The following WDR41 variants were observed in gnomAD, a reference collection of about 807,000 sequenced individuals.
WDR41 encodes the protein WD repeat-containing protein 41.
In WDR41, 63 loss-of-function variants were observed where a neutral mutation model predicts 69.3. The observed-to-expected ratio is 0.91, with a 90% CI of 0.74 to 1.12. WDR41 has a LOEUF of 1.12. WDR41 is among the 50% of genes most tolerant of loss of function. The pLI, the probability that WDR41 is intolerant of heterozygous loss-of-function variation, is 0.00. For missense variants in WDR41, 543 were observed against 534.5 expected (o/e 1.02, Z -0.16); for synonymous variants, 185 against 192.1 (o/e 0.96, Z 0.31).
intron 1 of WDR41, among the ~76,000 whole-genome samples, chr5:77,602,020 G>C (rs1332695948): frequency 6.6e-6 from 1 of 152,050 alleles, no homozygotes; most frequent in Admixed American, 6.6e-5. Flanking sequence ...TTGTTAACTA[G>C]AGTCACCCTA....
chr5:77,454,002 C>G, intron 5 of WDR41, 74 bp from the exon 6 acceptor site: 1 of 1,180,154 alleles, frequency 8.5e-7, no homozygotes, highest in Non-Finnish European at 1.3e-6. Context: ...AAAAATATAT[C>G]CACAAGTTCT....
In WDR41 at chr5:77,433,214, C is replaced by G; in HGVS notation, c.1301G>C (p.Gly434Ala). 1 of 1,614,032 alleles carries G rather than the reference C, an allele frequency of 6.2e-7. No individual in the cohort carries two copies. Among genetic ancestry groups the G allele is most frequent in the Non-Finnish European group, 8.5e-7 (1 of 1,179,952 alleles). The change falls in exon 13 of 13, where the codon GGA becomes GCA. Residue 434 changes from glycine to alanine, a missense_variant. By Grantham distance (60) the Gly-to-Ala change is moderately conservative. Transcript: ENST00000296679. The stretch of plus-strand genomic sequence containing the variant: ...ACTGCGCAATCCAGATTCTCGCTCT[C>G]CATTTTTCCACAAAATAATGAGATG... ...ADHLIILWKN[G>A]ERESGLRSLR...
At position 77,463,214 on chromosome 5, in the gene WDR41, G is replaced by C; in HGVS notation, c.229C>G (p.Leu77Val). 3 of 1,606,178 alleles carry C rather than the reference G, an allele frequency of 1.9e-6. No individual in the cohort carries two copies. The highest frequency in any genetic ancestry group is 2.5e-6 in the Non-Finnish European group (3 of 1,177,238). The change falls in exon 4 of 13, where the codon CTT becomes GTT. Residue 77 changes from leucine to valine, a missense_variant. By Grantham distance (32) the Leu-to-Val change is conservative. Coordinates refer to ENST00000296679, the MANE Select transcript of WDR41 (RefSeq NM_018268.4). Reference sequence around the variant, plus strand: ...TGAGTGTGTCCATTCAGTTCTAAAAGTTTTTCCCCTGTCTGAAATACCAAT... The same window carrying C: ...TGAGTGTGTCCATTCAGTTCTAAAACTTTTTCCCCTGTCTGAAATACCAAT... ...VVWNAQTGEKLLELNGHTQKI... is the reference protein window; with the variant it reads ...VVWNAQTGEKVLELNGHTQKI...
upstream of WDR41, among the ~76,000 whole-genome samples, chr5:77,496,214 A>G (rs1027665694): frequency 6.6e-6 from 1 of 152,042 alleles, no homozygotes; most frequent in Non-Finnish European, 1.5e-5. Flanking sequence ...AACAAAAGAA[A>G]GATGTCCTCT....
intron 1 of WDR41, among the ~76,000 whole-genome samples, chr5:77,590,753 C>G (rs951730329): frequency 6.6e-6 from 1 of 152,144 alleles, no homozygotes; most frequent in Non-Finnish European, 1.5e-5. Context: ...TGACAGATGT[C>G]GTGGCAACAA....
intron 1 of WDR41, among the ~76,000 whole-genome samples, chr5:77,606,281 G>C (rs780457848): frequency 6.6e-6 from 1 of 152,166 alleles, no homozygotes; most frequent in Non-Finnish European, 1.5e-5. Context: ...CTGGTCATAA[G>C]GTGTCTGATA....
chr5:77,517,000 A>C (rs566774539), intron 1 of WDR41, among the ~76,000 whole-genome samples: 142 of 150,314 alleles, frequency 9.4e-4, no homozygotes, highest in African/African-American at 3.1e-3. Flanking sequence ...TGGGTGACAG[A>C]GCGAGACTCC....
At chr5:77,605,879 T>C (rs977453820) in intron 1 of WDR41, among the ~76,000 whole-genome samples, 2 of 152,066 alleles carry the variant, frequency 1.3e-5, no homozygotes, top group Non-Finnish European at 2.9e-5. Flanking sequence ...TATACCTATA[T>C]CATGGAAGGA....
At chr5:77,514,893 G>T (rs1802270575) in intron 1 of WDR41, among the ~76,000 whole-genome samples, 1 of 152,094 alleles carries the variant, frequency 6.6e-6, no homozygotes, top group Non-Finnish European at 1.5e-5. Context: ...TTTTAAAAGG[G>T]TCTACTTGTA....
At chr5:77,519,186 T>A (rs1397193165) in intron 1 of WDR41, among the ~76,000 whole-genome samples, 3 of 152,084 alleles carry the variant, frequency 2.0e-5, no homozygotes, top group Admixed American at 2.0e-4. Flanking sequence ...TCTGCCTGGT[T>A]ATTTATATTC....
chr5:77,526,372 T>C (rs1226639230), intron 1 of WDR41, among the ~76,000 whole-genome samples: 1 of 152,142 alleles, frequency 6.6e-6, no homozygotes, highest in African/African-American at 2.4e-5. Flanking sequence ...CTTAATATCA[T>C]CTAATAACCA....
intron 1 of WDR41, among the ~76,000 whole-genome samples, chr5:77,503,190 C>CAAAAAAAAAA (rs144057313): frequency 5.4e-5 from 4 of 74,312 alleles, no homozygotes; most frequent in Non-Finnish European, 7.7e-5. Flanking sequence ...AAATGGAAAG[C>CAAAAAAAAAA]AAAAAAAAAA....
intron 1 of WDR41, chr5:77,545,835 G>A: frequency 1.1e-6 from 1 of 871,480 alleles, no homozygotes; most frequent in South Asian, 1.8e-5. Flanking sequence ...TGCCATCCGT[G>A]GGGCCATGAT....
intron 1 of WDR41, among the ~76,000 whole-genome samples, chr5:77,510,772 T>A (rs1802185123): frequency 7.2e-6 from 1 of 139,828 alleles, no homozygotes; most frequent in Non-Finnish European, 1.6e-5. Flanking sequence ...TTCAATTTTT[T>A]TTTTTTTTTT....
intron 1 of WDR41, among the ~76,000 whole-genome samples, chr5:77,543,664 C>T (rs994894431): frequency 3.3e-5 from 5 of 152,034 alleles, no homozygotes; most frequent in African/African-American, 4.8e-5. Context: ...TTATGATAAA[C>T]GACCAAAGCA....
chr5:77,477,622 C>A lies in WDR41; in HGVS notation c.167+11835G>T, dbSNP rs1304403922. Among the ~76,000 whole-genome samples the A allele has an allele frequency of 2.3e-5, 2 of 85,724 alleles. 1 individual carries two copies. Among genetic ancestry groups the A allele is most frequent in the East Asian group, 6.4e-4 (2 of 3,128 alleles). The allele number at this position is 85,724 out of a possible 152,430, so 56.2% of individuals were successfully genotyped here. On this transcript the variant is annotated intron_variant, in intron 2 of 12. Transcript: ENST00000296679. ...GCAGAAATAAAGATGTTCTTTGAAA[C>A]CAACGAGAACAAAGACACAACATAT...
At chr5:77,483,376 G>C (rs979083968) in intron 2 of WDR41, among the ~76,000 whole-genome samples, 1 of 151,682 alleles carries the variant, frequency 6.6e-6, no homozygotes, top group African/African-American at 2.4e-5. Flanking sequence ...TGAGCTCAAG[G>C]AATCCTCCCA....
In WDR41 at chr5:77,503,190, C is replaced by CAAAAA. The variant is rs144057313; in HGVS notation, c.43-13623_43-13619dup. Reference sequence around the variant, plus strand: ...GAAGATCTACCAAGCAAATGGAAAGCAAAAAAAAAAAAAAAAAAAAGCAGG... The same window carrying CAAAAA: ...GAAGATCTACCAAGCAAATGGAAAGCAAAAAAAAAAAAAAAAAAAAAAAAAGCAGG... On this transcript the variant is annotated intron_variant, in intron 1 of 5. Transcript: ENST00000509971. Among the ~76,000 whole-genome samples the CAAAAA allele has an allele frequency of 2.2e-3, 167 of 74,284 alleles. 1 individual carries two copies. Among genetic ancestry groups the CAAAAA allele is most frequent in the South Asian group, 9.3e-3 (16 of 1,718 alleles). The allele number at this position is 74,284 out of a possible 152,430, so 48.7% of individuals were successfully genotyped here.
intron 2 of WDR41, among the ~76,000 whole-genome samples, chr5:77,473,537 T>C (rs1239220796): frequency 6.6e-6 from 1 of 152,144 alleles, no homozygotes; most frequent in Non-Finnish European, 1.5e-5. Flanking sequence ...ATTTTTGTAA[T>C]CTACTCATCT....
Sources: gnomAD v4.1 joint callset for allele counts (sites outside exome capture counted in the v4.1 genomes callset) on GRCh38, gnomAD v4.1.1 for gene constraint, MANE v1.5 for transcripts, NCBI Gene and HGNC (gene_info 2026-07-23, HGNC 2026-07-21) for gene names.